Variants in PIEZO1 observed in about 807,000 individuals in gnomAD.
PIEZO1 encodes the protein piezo-type mechanosensitive ion channel component 1.
In PIEZO1, 296 loss-of-function variants were observed where a neutral mutation model predicts 297.2. The ratio of observed to expected loss-of-function variants is 1.00; its 90% CI spans 0.91 to 1.10. The LOEUF is 1.10. Among genes scored for constraint, PIEZO1 ranks in the 50% least tolerant of loss-of-function variants. The pLI is 0.00. For missense variants in PIEZO1, 5,018 were observed against 3,455.5 expected (o/e 1.45, Z -11.34); for synonymous variants, 2,427 against 1,507.5 (o/e 1.61, Z -14.13).
chr16:88,741,506 G>A lies in PIEZO1; in HGVS notation c.437C>T (p.Thr146Ile), dbSNP rs1400369509. The A allele has an allele frequency of 1.3e-6, 2 of 1,535,624 alleles. No homozygotes were observed. The highest frequency in any genetic ancestry group is 1.7e-6 in the Non-Finnish European group (2 of 1,146,774). ...LGICGRLARN[T>I]RQSPHPRELD... ...CTCCCGTGGATGTGGGCTCTGCCGGGTGTTCCTTGCAAGGCGCCCGCAGAT... is the reference window on the plus strand; with the variant it reads ...CTCCCGTGGATGTGGGCTCTGCCGGATGTTCCTTGCAAGGCGCCCGCAGAT... Residue 146 changes from threonine to isoleucine, a missense_variant, in exon 5 of 51, where the codon ACC (threonine) becomes ATC (isoleucine). Transcript: ENST00000301015.
At chr16:88,748,620 C>T (rs893629005) in intron 2 of PIEZO1, among the ~76,000 whole-genome samples, 5 of 152,118 alleles carry the variant, frequency 3.3e-5, no homozygotes, top group Non-Finnish European at 1.5e-5. Context: ...GTGCCTGGAG[C>T]CTGCAGAGAG....
At chr16:88,783,085 G>A (rs1016934885) in intron 1 of PIEZO1, among the ~76,000 whole-genome samples, 2 of 152,208 alleles carry the variant, frequency 1.3e-5, no homozygotes, top group African/African-American at 2.4e-5. Context: ...AAGTTTCATA[G>A]AAGACTGACA....
At chr16:88,764,453 G>A (rs544893414) in intron 1 of PIEZO1, among the ~76,000 whole-genome samples, 6 of 152,216 alleles carry the variant, frequency 3.9e-5, no homozygotes, top group South Asian at 2.1e-4. Flanking sequence ...GAGATCACGC[G>A]TCGACATTCC....
intron 2 of PIEZO1, 137 bp from the exon 3 acceptor site, chr16:88,742,559 C>T (rs1905755099): frequency 1.0e-5 from 9 of 884,492 alleles, no homozygotes; most frequent in East Asian, 2.7e-5. Context: ...GACTCAGGAC[C>T]CCATCAGGCA....
chr16:88,746,357 G>A (rs1043669848), intron 2 of PIEZO1, among the ~76,000 whole-genome samples: 1 of 152,156 alleles, frequency 6.6e-6, no homozygotes, highest in Non-Finnish European at 1.5e-5. Context: ...AAGGCAGGAT[G>A]GGGCTTCTGA....
chr16:88,771,736 C>G (rs1424739638), intron 1 of PIEZO1, among the ~76,000 whole-genome samples: 2 of 151,934 alleles, frequency 1.3e-5, no homozygotes, highest in Non-Finnish European at 2.9e-5. Context: ...CCCGCGGCCC[C>G]AGGCCCTCCT....
chr16:88,715,340 T>TA lies in PIEZO1; in HGVS notation c.*264_*265insT. The TA allele has an allele frequency of 7.5e-7, 1 of 1,331,312 alleles. No homozygotes were observed. 82.5% of individuals were successfully genotyped at this position (1,331,312 alleles called of 1,614,324 possible). A position where few individuals can be genotyped will look rare whatever the true frequency, so the allele number is the denominator to read the frequency against. ...AAGGCAAGGACGGGGGACTGGCCTCTGATTGTCCATTTGTATAAATAAAAC... is the reference window on the plus strand; with the variant it reads ...AAGGCAAGGACGGGGGACTGGCCTCTAGATTGTCCATTTGTATAAATAAAAC... On this transcript the variant is annotated 3_prime_UTR_variant, in exon 51 of 51. Coordinates refer to ENST00000301015, the MANE Select transcript of PIEZO1 (RefSeq NM_001142864.4).
At chr16:88,747,374 G>A (rs925648469) in intron 2 of PIEZO1, among the ~76,000 whole-genome samples, 12 of 152,298 alleles carry the variant, frequency 7.9e-5, no homozygotes, top group African/African-American at 2.4e-4. Flanking sequence ...AAATTAGCCA[G>A]GCATGATGGT....
chr16:88,719,173 G>C, intron 44 of PIEZO1: 1 of 217,422 alleles, frequency 4.6e-6, no homozygotes, highest in Admixed American at 5.3e-5. Context: ...GAAGTGGTGA[G>C]AAGGCAGATG....
chr16:88,716,179 C>T lies in PIEZO1; in HGVS notation c.7129+19G>A. 1.3e-6 allele frequency: 2 copies of T among 1,511,190 alleles called. No homozygotes were observed. The highest frequency in any genetic ancestry group is 1.7e-4 in the Middle Eastern group (1 of 5,778). 93.6% of individuals were successfully genotyped at this position (1,511,190 alleles called of 1,614,324 possible). On this transcript the variant is annotated intron_variant, in intron 49 of 50. Coordinates refer to ENST00000301015, the MANE Select transcript of PIEZO1 (RefSeq NM_001142864.4). ...GTCACCCCTCTCTAGCCTCCCCCAA[C>T]CCCCACGCCCATACTCACTGGGCTG...
chr16:88,783,237 CA>C lies in PIEZO1; in HGVS notation c.64+1663del, dbSNP rs539022260. On this transcript the variant is annotated intron_variant, in intron 1 of 50. Transcript: ENST00000301015. ...GAACCCAGGCCCCCTGACCAATGCC[CA>C]GGGGGCAGCAAACCACATGTGCCAC... 5.7e-4 allele frequency among the ~76,000 whole-genome samples: 87 copies of C among 152,326 alleles called. 1 individual carries two copies. Among genetic ancestry groups the C allele is most frequent in the African/African-American group, 1.9e-3 (81 of 41,572 alleles).
In PIEZO1 at chr16:88,721,649, C is replaced by A. The variant is rs1021499784; in HGVS notation, c.5292G>T (p.Glu1764Asp). The A allele has an allele frequency of 1.3e-6, 2 of 1,550,088 alleles. No individual in the cohort carries two copies. Among genetic ancestry groups the A allele is most frequent in the Admixed American group, 2.0e-5 (1 of 50,984 alleles). ...TGCGGGGCGGGAAGTAGGGCTTGTT[C>A]TCGTAGCGCCGCAGCACCACGTGGC... ...WNSHVVLRRY[E>D]NKPYFPPRIL... Residue 1764 changes from glutamate (E) to aspartate (D), a missense_variant, in exon 38 of 51, where the codon GAG (glutamate) becomes GAT (aspartate). Glu to Asp is a conservative substitution (Grantham distance 45, BLOSUM62 2). Coordinates refer to ENST00000301015, the MANE Select transcript of PIEZO1 (RefSeq NM_001142864.4).
chr16:88,731,607 C>G, intron 22 of PIEZO1, 99 bp downstream of exon 22: 1 of 898,924 alleles, frequency 1.1e-6, no homozygotes, highest in Non-Finnish European at 1.7e-6. Flanking sequence ...AAGGCTAAGT[C>G]TAGGAGGGTG....
intron 1 of PIEZO1, among the ~76,000 whole-genome samples, chr16:88,754,613 G>A (rs1475222797): frequency 6.6e-6 from 1 of 152,200 alleles, no homozygotes; most frequent in Non-Finnish European, 1.5e-5. Flanking sequence ...CACAGGGAGG[G>A]CTGCCGGATG....
intron 2 of PIEZO1, among the ~76,000 whole-genome samples, chr16:88,748,757 G>T (rs1906204129): frequency 6.6e-6 from 1 of 151,988 alleles, no homozygotes; most frequent in Admixed American, 6.6e-5. Flanking sequence ...CTTAGCTTGG[G>T]GTCTACAATG....
chr16:88,717,155 ACC>A lies in PIEZO1; in HGVS notation c.6526_6527del (p.Gly2176TrpfsTer44). The A allele has an allele frequency of 6.4e-7, 1 of 1,551,052 alleles. No homozygotes were observed. The highest frequency in any genetic ancestry group is 8.7e-7 in the Non-Finnish European group (1 of 1,147,168). ...KKKKIVKYGM[G>X]GLIILFLIAI... Reference sequence around the variant, plus strand: ...CGATGAGGAAGAGGATGATGAGGCCACCCATGCCGTACTTGACGATCTTCTTC... The same window carrying A: ...CGATGAGGAAGAGGATGATGAGGCCACATGCCGTACTTGACGATCTTCTTC... On this transcript the variant is annotated frameshift_variant, in exon 45 of 51. Coordinates refer to ENST00000301015, the MANE Select transcript of PIEZO1 (RefSeq NM_001142864.4). LOFTEE classifies it high-confidence loss of function.
At position 88,733,190 on chromosome 16, in the gene PIEZO1, G is replaced by A. The variant is rs932139418; in HGVS notation, c.2664+88C>T. 9.6e-6 allele frequency: 12 copies of A among 1,251,128 alleles called. No homozygotes were observed. The Admixed American group carries it at 2.6e-4, about 27-fold the overall frequency. 77.5% of individuals were successfully genotyped at this position (1,251,128 alleles called of 1,614,324 possible). ...CTCCATCTCCATTGCTGGCCCCACT[G>A]CACTGAGGCAGCTGCCCCAGGAGGG... is the stretch of plus-strand genomic sequence containing the variant. On this transcript the variant is annotated intron_variant, in intron 19 of 50. Coordinates refer to ENST00000301015, the MANE Select transcript of PIEZO1 (RefSeq NM_001142864.4).
chr16:88,727,918 G>A, intron 22 of PIEZO1: 1 of 324,986 alleles, frequency 3.1e-6, no homozygotes, highest in Non-Finnish European at 5.6e-6. Context: ...GGGGGCTGCT[G>A]GGCCTGAGTT....
chr16:88,736,966 A>C (rs1362043650), intron 10 of PIEZO1: 1 of 442,716 alleles, frequency 2.3e-6, no homozygotes, highest in African/African-American at 2.1e-5. Flanking sequence ...TTTCCTTGAA[A>C]GGGTGGGAAA....
Sources: allele counts gnomAD v4.1 joint callset (sites outside exome capture counted in the v4.1 genomes callset), GRCh38; gene constraint gnomAD v4.1.1; transcripts MANE v1.5; gene names NCBI Gene and HGNC (gene_info 2026-07-23, HGNC 2026-07-21).